Variants in GRM8 observed in about 807,000 individuals in gnomAD.
The protein encoded by GRM8 is glutamate metabotropic receptor 8.
In GRM8, 47 loss-of-function variants were observed where a neutral mutation model predicts 87.2. The ratio of observed to expected loss-of-function variants is 0.54; its 90% confidence interval spans 0.43 to 0.69. GRM8 has a LOEUF of 0.69. Among genes scored for constraint, GRM8 ranks in the 30% least tolerant of loss-of-function variants. The probability of loss-of-function intolerance (pLI) is 0.00; values close to 1 mark genes in which losing one functional copy is unlikely to be tolerated. For synonymous variants in GRM8, 396 were observed against 404.5 expected (o/e 0.98, Z 0.25); for missense variants, 1,019 against 1,139.2 (o/e 0.89, Z 1.52).
At chr7:126,761,086 C>T (rs956506959) in intron 7 of GRM8, among the ~76,000 whole-genome samples, 1 of 151,934 alleles carries the variant, frequency 6.6e-6, no homozygotes. Context: ...TAGTCCCAGC[C>T]ACTGGGGACG....
chr7:126,730,890 A>AT, intron 7 of GRM8, among the ~76,000 whole-genome samples: 1 of 152,194 alleles, frequency 6.6e-6, no homozygotes, highest in East Asian at 1.9e-4. Flanking sequence ...GCATTTACTT[A>AT]ATTTAGTTAT....
intron 7 of GRM8, among the ~76,000 whole-genome samples, chr7:126,659,228 C>T (rs1002396941): frequency 1.3e-5 from 2 of 152,100 alleles, no homozygotes; most frequent in African/African-American, 2.4e-5. Flanking sequence ...CCACCCTGAC[C>T]GATCTCCTAC....
intron 3 of GRM8, among the ~76,000 whole-genome samples, chr7:127,057,747 G>T (rs1439410859): frequency 6.6e-6 from 1 of 151,416 alleles, no homozygotes; most frequent in Non-Finnish European, 1.5e-5. Context: ...CAAATTAAAA[G>T]ATTATATTTT....
At chr7:126,638,510 G>A (rs1802069034) in intron 7 of GRM8, among the ~76,000 whole-genome samples, 1 of 152,106 alleles carries the variant, frequency 6.6e-6, no homozygotes. Flanking sequence ...TGATGGGATG[G>A]GGCATATAGA....
At chr7:126,942,605 G>T (rs1807079775) in intron 3 of GRM8, among the ~76,000 whole-genome samples, 1 of 152,200 alleles carries the variant, frequency 6.6e-6, no homozygotes, top group Admixed American at 6.5e-5. Context: ...CCGGCATGCA[G>T]CAGGGAGGTG....
At chr7:126,516,689 AG>A (rs1812217270) in intron 9 of GRM8, among the ~76,000 whole-genome samples, 2 of 152,140 alleles carry the variant, frequency 1.3e-5, no homozygotes, top group Admixed American at 6.6e-5. Flanking sequence ...TCTAAGAAAG[AG>A]AACATGGGAG....
At chr7:126,482,338 T>A (rs1806784915) in intron 9 of GRM8, among the ~76,000 whole-genome samples, 1 of 152,020 alleles carries the variant, frequency 6.6e-6, no homozygotes, top group Admixed American at 6.6e-5. Flanking sequence ...GTCTTGAGGA[T>A]ATATTTGTAT....
At chr7:127,218,238 A>T (rs1796694193) in intron 2 of GRM8, among the ~76,000 whole-genome samples, 1 of 152,206 alleles carries the variant, frequency 6.6e-6, no homozygotes, top group Admixed American at 6.5e-5. Context: ...CAGGCTTCTG[A>T]CTTCCTTTCT....
intron 3 of GRM8, among the ~76,000 whole-genome samples, chr7:126,966,395 A>G (rs1361909322): frequency 2.0e-5 from 3 of 152,142 alleles, no homozygotes; most frequent in Non-Finnish European, 4.4e-5. Context: ...TCAGCCTCCC[A>G]AAGTGCTGGG....
intron 3 of GRM8, among the ~76,000 whole-genome samples, chr7:126,991,977 T>C (rs1250460031): frequency 1.3e-5 from 2 of 152,106 alleles, no homozygotes; most frequent in Non-Finnish European, 2.9e-5. Flanking sequence ...TTTTAAGCTA[T>C]GGAATCTGAA....
intron 3 of GRM8, among the ~76,000 whole-genome samples, chr7:127,041,430 G>A (rs2132402858): frequency 6.6e-6 from 1 of 152,334 alleles, no homozygotes; most frequent in African/African-American, 2.4e-5. Flanking sequence ...TTATAAAATA[G>A]AAGTTTCCAT....
At chr7:127,058,688 C>T (rs947305853) in intron 3 of GRM8, among the ~76,000 whole-genome samples, 1 of 152,166 alleles carries the variant, frequency 6.6e-6, no homozygotes, top group African/African-American at 2.4e-5. Flanking sequence ...GTTTTGACTA[C>T]AGACATTTAT....
chr7:126,846,716 C>CA (rs968548474), intron 6 of GRM8, among the ~76,000 whole-genome samples: 43 of 144,620 alleles, frequency 3.0e-4, no homozygotes, highest in Admixed American at 4.8e-4. Flanking sequence ...TGTTATAAAG[C>CA]AAAAAAAAAG....
intron 2 of GRM8, among the ~76,000 whole-genome samples, chr7:127,182,632 GGTGTGTGTGT>G (rs35530710): frequency 0.039 from 5,522 of 141,772 alleles, 162 homozygotes; most frequent in African/African-American, 0.086. Flanking sequence ...AAGAAAGTGT[GGTGTGTGTGT>G]GTGTGTGTGT....
At chr7:126,862,487 C>A in intron 6 of GRM8, among the ~76,000 whole-genome samples, 1 of 151,970 alleles carries the variant, frequency 6.6e-6, no homozygotes, top group East Asian at 1.9e-4. Flanking sequence ...TTTCTATGTA[C>A]ATACTCATGC....
At chr7:126,507,772 G>A (rs1810704281) in intron 9 of GRM8, among the ~76,000 whole-genome samples, 1 of 151,906 alleles carries the variant, frequency 6.6e-6, no homozygotes, top group Admixed American at 6.6e-5. Context: ...TCTTTTTCGA[G>A]CTTGTCTATT....
chr7:126,885,896 C>T (rs1308079521), intron 6 of GRM8, among the ~76,000 whole-genome samples: 2 of 151,996 alleles, frequency 1.3e-5, no homozygotes, highest in African/African-American at 4.8e-5. Flanking sequence ...CAGTTTTTTT[C>T]CCCTTGGAAA....
At chr7:127,059,082 G>A (rs145224082) in intron 3 of GRM8, among the ~76,000 whole-genome samples, 1 of 152,124 alleles carries the variant, frequency 6.6e-6, no homozygotes, top group Non-Finnish European at 1.5e-5. Context: ...CTCTAATGAT[G>A]ATATGACAGA....
At chr7:126,448,130 G>C (rs76711555) in intron 9 of GRM8, among the ~76,000 whole-genome samples, 2,122 of 151,976 alleles carry the variant, frequency 0.014, 69 homozygotes, top group African/African-American at 0.048. Flanking sequence ...ATTGACTGCA[G>C]AGAGAGGACA....
Sources: allele counts gnomAD v4.1 joint callset (sites outside exome capture counted in the v4.1 genomes callset), GRCh38; gene constraint gnomAD v4.1.1; transcripts MANE v1.5; gene names NCBI Gene and HGNC (gene_info 2026-07-23, HGNC 2026-07-21).